Variants in CACHD1 observed in about 807,000 individuals in gnomAD.
The protein encoded by CACHD1 is VWFA and cache domain-containing protein 1.
A neutral mutation model predicts 138.7 loss-of-function variants in CACHD1; 71 were observed. The observed-to-expected ratio is 0.51, with a 90% confidence interval of 0.42 to 0.62. The LOEUF is 0.62. Ranked by LOEUF, CACHD1 falls within the 20% of genes least tolerant of loss-of-function variation. The pLI is 0.00. For missense variants in CACHD1, 1,389 were observed against 1,625.3 expected (o/e 0.85, Z 2.50); for synonymous variants, 578 against 591.5 (o/e 0.98, Z 0.33).
At chr1:64,613,717 C>A (rs954570806) in intron 4 of CACHD1, among the ~76,000 whole-genome samples, 2 of 152,150 alleles carry the variant, frequency 1.3e-5, no homozygotes, top group African/African-American at 4.8e-5. Context: ...TATTTTTCCT[C>A]TGGGGCTCCA....
intron 3 of CACHD1, among the ~76,000 whole-genome samples, chr1:64,600,637 A>G (rs974471295): frequency 6.6e-6 from 1 of 152,222 alleles, no homozygotes; most frequent in Non-Finnish European, 1.5e-5. Flanking sequence ...AACAAAATCA[A>G]CAAGACATGG....
chr1:64,632,840 C>A, intron 6 of CACHD1, 97 bp downstream of exon 6: 1 of 1,353,894 alleles, frequency 7.4e-7, no homozygotes, highest in Non-Finnish European at 1.0e-6. Flanking sequence ...TCCTCCTTGA[C>A]TTACAATGGG....
intron 4 of CACHD1, among the ~76,000 whole-genome samples, chr1:64,608,546 A>G (rs1157228907): frequency 6.6e-6 from 1 of 152,176 alleles, no homozygotes; most frequent in African/African-American, 2.4e-5. Context: ...TCTTAACTTC[A>G]TTTGTCCAAA....
chr1:64,487,676 C>A (rs1294377501), intron 1 of CACHD1, among the ~76,000 whole-genome samples: 1 of 152,100 alleles, frequency 6.6e-6, no homozygotes, highest in Non-Finnish European at 1.5e-5. Flanking sequence ...ACCTGCCATA[C>A]CTAATTTCAA....
intron 1 of CACHD1, among the ~76,000 whole-genome samples, chr1:64,504,551 A>AC (rs1412019212): frequency 1.3e-5 from 2 of 152,044 alleles, no homozygotes; most frequent in East Asian, 3.9e-4. Flanking sequence ...TAATTCTTTC[A>AC]TTTTGTATAT....
chr1:64,663,777 A>G lies in CACHD1; in HGVS notation c.2034A>G (p.Val678=). The G allele has an allele frequency of 1.2e-6, 2 of 1,614,140 alleles. No homozygotes were observed. The highest frequency in any genetic ancestry group is 1.1e-5 in the South Asian group (1 of 91,086). The change falls in exon 14 of 27, where the codon GTA becomes GTG. Residue 678 remains valine, a synonymous_variant. Transcript: ENST00000651257. ...HLSQPETKRM[V]EHYTAYLSDN... is the part of the protein sequence containing the mutation. ...GCCAGCCAGAGACAAAGCGCATGGTAGAGCACTACACCGCCTATCTCAGCG... is the reference window on the plus strand; with the variant it reads ...GCCAGCCAGAGACAAAGCGCATGGTGGAGCACTACACCGCCTATCTCAGCG...
At chr1:64,515,620 G>A (rs1004234855) in intron 1 of CACHD1, among the ~76,000 whole-genome samples, 1 of 152,118 alleles carries the variant, frequency 6.6e-6, no homozygotes, top group African/African-American at 2.4e-5. Flanking sequence ...TAGTTGTGCT[G>A]CCTGAATGCA....
chr1:64,668,401 C>T (rs987384267), intron 16 of CACHD1, among the ~76,000 whole-genome samples: 2 of 151,752 alleles, frequency 1.3e-5, no homozygotes, highest in Admixed American at 1.3e-4. Context: ...GCCTATAATC[C>T]CAACTACTCT....
chr1:64,592,478 G>T (rs1647114229), intron 3 of CACHD1, among the ~76,000 whole-genome samples: 1 of 152,166 alleles, frequency 6.6e-6, no homozygotes, highest in Non-Finnish European at 1.5e-5. Flanking sequence ...ATGAACAAAG[G>T]CCTCGTAATG....
intron 5 of CACHD1, among the ~76,000 whole-genome samples, chr1:64,630,950 C>A (rs1648282446): frequency 6.6e-6 from 1 of 152,210 alleles, no homozygotes; most frequent in Admixed American, 6.5e-5. Context: ...CTCTGATAGA[C>A]TGCGATTCAC....
intron 1 of CACHD1, among the ~76,000 whole-genome samples, chr1:64,531,523 G>C (rs1646585840): frequency 6.6e-6 from 1 of 151,928 alleles, no homozygotes; most frequent in African/African-American, 2.4e-5. Flanking sequence ...GTGTGTGTGT[G>C]TGTGTGTCTG....
At chr1:64,526,370 G>C (rs1014687512) in intron 1 of CACHD1, among the ~76,000 whole-genome samples, 5 of 151,788 alleles carry the variant, frequency 3.3e-5, no homozygotes, top group African/African-American at 9.7e-5. Flanking sequence ...AAATCTGTGG[G>C]GCCATTAGGA....
chr1:64,648,417 CT>C, intron 9 of CACHD1, among the ~76,000 whole-genome samples: 1 of 152,286 alleles, frequency 6.6e-6, no homozygotes, highest in Non-Finnish European at 1.5e-5. Context: ...AAATTCCATT[CT>C]TCCACTTGAG....
At chr1:64,529,204 A>G (rs1646563268) in intron 1 of CACHD1, among the ~76,000 whole-genome samples, 1 of 152,176 alleles carries the variant, frequency 6.6e-6, no homozygotes, top group African/African-American at 2.4e-5. Context: ...CCCTGTTTGA[A>G]AAAAGATGGG....
intron 1 of CACHD1, among the ~76,000 whole-genome samples, chr1:64,521,587 T>C (rs1320177028): frequency 6.6e-6 from 1 of 152,246 alleles, no homozygotes; most frequent in Non-Finnish European, 1.5e-5. Context: ...TGTATAGATA[T>C]ACTGTATTTT....
At chr1:64,636,947 C>G (rs575365158) in intron 7 of CACHD1, among the ~76,000 whole-genome samples, 7 of 152,138 alleles carry the variant, frequency 4.6e-5, no homozygotes, top group Non-Finnish European at 8.8e-5. Context: ...TCATTTAGAT[C>G]ATCTTAGAAT....
intron 4 of CACHD1, among the ~76,000 whole-genome samples, chr1:64,620,231 GA>G (rs1647860402): frequency 6.6e-6 from 1 of 152,098 alleles, no homozygotes; most frequent in African/African-American, 2.4e-5. Context: ...ATATAAAATA[GA>G]GACCATATTG....
intron 8 of CACHD1, among the ~76,000 whole-genome samples, chr1:64,642,478 G>A (rs1043897158): frequency 1.3e-5 from 2 of 152,200 alleles, no homozygotes; most frequent in African/African-American, 4.8e-5. Flanking sequence ...GTGTTGTTGT[G>A]AGGATTAGCC....
At chr1:64,581,493 C>T (rs1001173191) in intron 2 of CACHD1, among the ~76,000 whole-genome samples, 1 of 152,178 alleles carries the variant, frequency 6.6e-6, no homozygotes, top group South Asian at 2.1e-4. Flanking sequence ...TTTTATTATT[C>T]CTGCATGAAA....
Sources: allele counts gnomAD v4.1 joint callset (sites outside exome capture counted in the v4.1 genomes callset), GRCh38; gene constraint gnomAD v4.1.1; transcripts MANE v1.5; gene names NCBI Gene and HGNC (gene_info 2026-07-23, HGNC 2026-07-21).